PCCA: variants seen among roughly 807,000 people sequenced by gnomAD.
PCCA encodes propionyl-CoA carboxylase subunit alpha.
A neutral mutation model predicts 101.3 loss-of-function variants in PCCA; 74 were observed. The observed-to-expected ratio is 0.73, with a 90% CI of 0.61 to 0.89. The LOEUF is 0.89. PCCA is among the 40% of genes least tolerant of loss of function. PCCA has a pLI of 0.00. For synonymous variants in PCCA, 294 were observed against 313.6 expected (o/e 0.94, Z 0.66); for missense variants, 891 against 907.0 (o/e 0.98, Z 0.23).
intron 8 of PCCA, 74 bp from the exon 9 acceptor site, chr13:100,257,521 T>C (rs759648161): frequency 4.1e-6 from 4 of 986,004 alleles, no homozygotes; most frequent in Non-Finnish European, 6.5e-6. Context: ...TTATTGAACA[T>C]GTGGTCAATT....
At chr13:100,472,116 C>T (rs914193197) in intron 21 of PCCA, among the ~76,000 whole-genome samples, 8 of 152,344 alleles carry the variant, frequency 5.3e-5, no homozygotes, top group East Asian at 1.9e-4. Flanking sequence ...TTCCCTATTT[C>T]TGTAAGCGCG....
intron 9 of PCCA, among the ~76,000 whole-genome samples, chr13:100,261,526 C>G (rs993684322): frequency 6.6e-6 from 1 of 152,010 alleles, no homozygotes; most frequent in Non-Finnish European, 1.5e-5. Context: ...CCACCACAAC[C>G]AGCTAATTTT....
At chr13:100,345,625 G>A (rs867409892) in intron 18 of PCCA, among the ~76,000 whole-genome samples, 12 of 152,204 alleles carry the variant, frequency 7.9e-5, no homozygotes, top group Non-Finnish European at 1.3e-4. Context: ...GATCTCACTA[G>A]CATCATCGAT....
chr13:100,453,697 A>G (rs555259455), intron 21 of PCCA, among the ~76,000 whole-genome samples: 2 of 152,218 alleles, frequency 1.3e-5, no homozygotes, highest in South Asian at 4.1e-4. Context: ...TTCCATCAGC[A>G]GGTGCCCTTC....
chr13:100,246,044 G>C (rs560568469), intron 8 of PCCA, among the ~76,000 whole-genome samples: 1 of 152,188 alleles, frequency 6.6e-6, no homozygotes, highest in Non-Finnish European at 1.5e-5. Context: ...GTTCGGGCAA[G>C]AGGATTCAGC....
chr13:100,495,899 G>C (rs2085239500), intron 21 of PCCA, among the ~76,000 whole-genome samples: 1 of 152,174 alleles, frequency 6.6e-6, no homozygotes, highest in Non-Finnish European at 1.5e-5. Flanking sequence ...AGAATGTCCA[G>C]ATAATTTCAC....
chr13:100,188,528 A>G (rs2057497718), intron 6 of PCCA, among the ~76,000 whole-genome samples: 2 of 152,204 alleles, frequency 1.3e-5, no homozygotes, highest in African/African-American at 2.4e-5. Context: ...TGCATATGCA[A>G]GTATCTTTTT....
At chr13:100,298,386 C>T (rs1040989559) in intron 12 of PCCA, among the ~76,000 whole-genome samples, 1 of 152,056 alleles carries the variant, frequency 6.6e-6, no homozygotes, top group Non-Finnish European at 1.5e-5. Flanking sequence ...CTGAGATTAA[C>T]CCGGTGTTTC....
intron 9 of PCCA, 120 bp from the exon 10 acceptor site, chr13:100,262,609 G>C: frequency 4.3e-6 from 3 of 691,076 alleles, no homozygotes; most frequent in Non-Finnish European, 7.8e-6. Context: ...TTAATCGATT[G>C]TGTTTTCTTT....
chr13:100,168,143 C>G (rs1012744268), intron 6 of PCCA, among the ~76,000 whole-genome samples: 10 of 152,270 alleles, frequency 6.6e-5, no homozygotes, highest in Non-Finnish European at 1.3e-4. Context: ...TTCTAGTGTT[C>G]ATTCTTCAGT....
chr13:100,348,915 T>C lies in PCCA; in HGVS notation c.1643+8656T>C, dbSNP rs377695579. Among the ~76,000 whole-genome samples the C allele has an allele frequency of 3.2e-3, 124 of 39,200 alleles. 3 individuals are homozygous for C. The highest frequency in any genetic ancestry group is 0.011 in the African/African-American group (115 of 10,372). 25.7% of individuals were successfully genotyped at this position (39,200 alleles called of 152,430 possible). On this transcript the variant is annotated intron_variant, in intron 18 of 23. Transcript: ENST00000376285. ...TTTCCTTCCTTCCTTCCTTCCTTTC[T>C]TTTCTTTTCTTTTCTTTTCTTTCTT...
intron 19 of PCCA, among the ~76,000 whole-genome samples, chr13:100,377,110 A>C (rs1318956139): frequency 6.6e-6 from 1 of 152,110 alleles, no homozygotes; most frequent in Non-Finnish European, 1.5e-5. Context: ...ATGCCCCACC[A>C]TGCTTTAGCT....
rs552079056 is a variant in PCCA at position 100,347,936 on chromosome 13, T to C, written c.1643+7677T>C. ...GAGCTGTAACATTTAGTAAATATAG[T>C]GTTCTTCTTCAGGAAGCATAATCTT... On this transcript the variant is annotated intron_variant, in intron 18 of 23. Transcript: ENST00000376285. 3.3e-5 allele frequency among the ~76,000 whole-genome samples: 5 copies of C among 150,566 alleles called. No individual in the cohort carries two copies. In the South Asian group the frequency reaches 1.1e-3, roughly 32 times the overall value.
At chr13:100,280,237 T>C (rs1874744669) in intron 12 of PCCA, among the ~76,000 whole-genome samples, 2 of 152,204 alleles carry the variant, frequency 1.3e-5, no homozygotes. Context: ...TTGCTTTATT[T>C]TTTTTAAGTC....
chr13:100,295,009 A>G (rs2065414316), intron 12 of PCCA, among the ~76,000 whole-genome samples: 1 of 152,010 alleles, frequency 6.6e-6, no homozygotes, highest in Non-Finnish European at 1.5e-5. Flanking sequence ...GAATATAACC[A>G]TTGTTTCCAA....
chr13:100,192,944 G>T (rs1048128977), intron 6 of PCCA, among the ~76,000 whole-genome samples: 2 of 152,026 alleles, frequency 1.3e-5, no homozygotes, highest in African/African-American at 4.8e-5. Flanking sequence ...GTTGTTGTTT[G>T]TTCTACTAGA....
chr13:100,183,698 A>C (rs1057015498), intron 6 of PCCA, among the ~76,000 whole-genome samples: 1 of 152,164 alleles, frequency 6.6e-6, no homozygotes, highest in Non-Finnish European at 1.5e-5. Flanking sequence ...TCGGGATGGC[A>C]GAAAAAGGGG....
At chr13:100,353,430 G>A (rs985591495) in intron 18 of PCCA, among the ~76,000 whole-genome samples, 1 of 152,116 alleles carries the variant, frequency 6.6e-6, no homozygotes, top group Non-Finnish European at 1.5e-5. Flanking sequence ...ATCATCCAAA[G>A]TATGTTTCTG....
intron 4 of PCCA, among the ~76,000 whole-genome samples, chr13:100,117,246 T>G (rs1166692670): frequency 6.6e-6 from 1 of 152,202 alleles, no homozygotes; most frequent in Non-Finnish European, 1.5e-5. Context: ...CATTTATATT[T>G]TTTTCTGAAG....
Sources: gnomAD v4.1 joint callset for allele counts (sites outside exome capture counted in the v4.1 genomes callset) on GRCh38, gnomAD v4.1.1 for gene constraint, MANE v1.5 for transcripts, NCBI Gene and HGNC (gene_info 2026-07-23, HGNC 2026-07-21) for gene names.